XKR9: variants seen among roughly 807,000 people sequenced by gnomAD.
The protein encoded by XKR9 is XK-related protein 9.
In XKR9, 32 loss-of-function variants were observed where a neutral mutation model predicts 32.0. That is an observed-to-expected ratio of 1.00 (90% CI 0.76 to 1.34). The LOEUF is 1.34. Among genes scored for constraint, XKR9 ranks in the 40% most tolerant of loss-of-function variants. The pLI is 0.00. For synonymous variants in XKR9, 168 were observed against 143.4 expected (o/e 1.17, Z -1.22); for missense variants, 546 against 429.7 (o/e 1.27, Z -2.39).
At chr8:70,984,205 A>T in the XKR9 span, among the ~76,000 whole-genome samples, 1 of 152,170 alleles carries the variant, frequency 6.6e-6, no homozygotes, top group Non-Finnish European at 1.5e-5. Context: ...TCAGTCCATC[A>T]TTGTTGCCAC....
chr8:70,997,848 C>G, the XKR9 span, among the ~76,000 whole-genome samples: 1 of 152,280 alleles, frequency 6.6e-6, no homozygotes, highest in East Asian at 1.9e-4. Flanking sequence ...AAAATATTAA[C>G]TTTTCTTCCC....
At chr8:70,670,941 C>T (rs886846887) in intron 1 of XKR9, among the ~76,000 whole-genome samples, 2 of 152,166 alleles carry the variant, frequency 1.3e-5, no homozygotes, top group Non-Finnish European at 2.9e-5. Context: ...TCAGTGAACC[C>T]TGGAGAAGAG....
At chr8:70,720,395 T>A (rs1806237442) in intron 4 of XKR9, among the ~76,000 whole-genome samples, 1 of 152,210 alleles carries the variant, frequency 6.6e-6, no homozygotes, top group South Asian at 2.1e-4. Flanking sequence ...AAGGGAATGC[T>A]TCCAGCTTTT....
chr8:70,708,752 A>T (rs1033491954), intron 4 of XKR9, among the ~76,000 whole-genome samples: 1 of 152,120 alleles, frequency 6.6e-6, no homozygotes, highest in African/African-American at 2.4e-5. Flanking sequence ...CAAATTTTCT[A>T]TAGTAACTAT....
chr8:71,039,693 G>A, the XKR9 span, among the ~76,000 whole-genome samples: 4 of 152,134 alleles, frequency 2.6e-5, no homozygotes, highest in African/African-American at 4.8e-5. Flanking sequence ...TGCAATACTG[G>A]AAATGTTGTT....
At chr8:70,745,483 T>C (rs530197488) in intron 2 of XKR9, among the ~76,000 whole-genome samples, 1 of 152,240 alleles carries the variant, frequency 6.6e-6, no homozygotes, top group Non-Finnish European at 1.5e-5. Context: ...TCTCAACCTT[T>C]AGTGTGCATC....
intron 3 of XKR9, among the ~76,000 whole-genome samples, chr8:70,691,808 C>G (rs1805080301): frequency 6.6e-6 from 1 of 152,008 alleles, no homozygotes; most frequent in African/African-American, 2.4e-5. Context: ...TTGTTTTGGT[C>G]ATTATAGCCC....
At chr8:70,832,388 A>G in the XKR9 span, among the ~76,000 whole-genome samples, 5 of 152,220 alleles carry the variant, frequency 3.3e-5, no homozygotes, top group African/African-American at 1.2e-4. Context: ...ATAGACACAA[A>G]TAACGTTTTG....
rs1586871365 is a variant in XKR9 at position 70,733,843 on chromosome 8, G to A, written c.541G>A (p.Asp181Asn). The change falls in exon 5 of 5, where the codon GAT becomes AAT. Residue 181 changes from aspartate to asparagine, a missense_variant. Coordinates refer to ENST00000408926, the MANE Select transcript of XKR9 (RefSeq NM_001011720.2). Reference protein sequence around the residue: ...SCCAISWSTVDYQVALRKSLP... With the variant: ...SCCAISWSTVNYQVALRKSLP... Reference sequence around the variant, plus strand: ...CTGTGCTATTTCTTGGTCAACTGTTGATTATCAAGTAGCTTTAAGAAAATC... The same window carrying A: ...CTGTGCTATTTCTTGGTCAACTGTTAATTATCAAGTAGCTTTAAGAAAATC... 26 of 1,601,188 alleles carry A rather than the reference G, an allele frequency of 1.6e-5. No homozygotes were observed. Among genetic ancestry groups the A allele is most frequent in the Non-Finnish European group, 2.2e-5 (26 of 1,176,502 alleles).
the XKR9 span, among the ~76,000 whole-genome samples, chr8:70,877,543 G>C: frequency 4.0e-5 from 6 of 151,874 alleles, no homozygotes; most frequent in African/African-American, 1.4e-4. Flanking sequence ...GTCTTAAAAA[G>C]TTTGTATTAT....
intron 3 of XKR9, among the ~76,000 whole-genome samples, chr8:70,702,611 G>T (rs1805577870): frequency 6.6e-6 from 1 of 152,082 alleles, no homozygotes; most frequent in South Asian, 2.1e-4. Flanking sequence ...TCCATTAGGT[G>T]CATACAGATT....
chr8:71,057,941 T>C, the XKR9 span, among the ~76,000 whole-genome samples: 1 of 152,066 alleles, frequency 6.6e-6, no homozygotes, highest in African/African-American at 2.4e-5. Flanking sequence ...TCCCAATACT[T>C]TGGGAGGCCG....
the XKR9 span, among the ~76,000 whole-genome samples, chr8:70,892,003 A>C: frequency 2.4e-4 from 37 of 152,154 alleles, 1 homozygote; most frequent in African/African-American, 8.7e-4. Context: ...CTTCATTATT[A>C]TACAATGACC....
the XKR9 span, among the ~76,000 whole-genome samples, chr8:70,888,491 G>A: frequency 1.4e-4 from 21 of 151,624 alleles, no homozygotes; most frequent in African/African-American, 5.1e-4. Flanking sequence ...TGCTTTTGTT[G>A]CCTGTGCTTT....
chr8:71,065,320 A>C, the XKR9 span, among the ~76,000 whole-genome samples: 5 of 152,166 alleles, frequency 3.3e-5, 1 homozygote, highest in East Asian at 7.7e-4. Context: ...TAAGAAGAAG[A>C]GGAAATTATT....
At chr8:70,795,248 G>T (rs1239638188), downstream of XKR9, among the ~76,000 whole-genome samples, 3 of 152,036 alleles carry the variant, frequency 2.0e-5, no homozygotes, top group African/African-American at 7.2e-5. Flanking sequence ...TTCTGTTCCT[G>T]TGTTAGTTTG....
the XKR9 span, among the ~76,000 whole-genome samples, chr8:70,987,311 C>T: frequency 6.6e-6 from 1 of 152,320 alleles, no homozygotes; most frequent in African/African-American, 2.4e-5. Flanking sequence ...TGAGGCAAAT[C>T]CCTTCTGCCT....
At chr8:70,675,132 T>G (rs1680893977) in intron 2 of XKR9, among the ~76,000 whole-genome samples, 3 of 152,140 alleles carry the variant, frequency 2.0e-5, no homozygotes, top group Admixed American at 2.0e-4. Context: ...CTAGGTAATT[T>G]ATAAGAAACG....
chr8:70,967,625 G>A, the XKR9 span, among the ~76,000 whole-genome samples: 1 of 152,104 alleles, frequency 6.6e-6, no homozygotes. Context: ...TACAAGGCAG[G>A]CCTGGTGGTG....
Sources: gnomAD v4.1 joint callset for allele counts (sites outside exome capture counted in the v4.1 genomes callset) on GRCh38, gnomAD v4.1.1 for gene constraint, MANE v1.5 for transcripts, NCBI Gene and HGNC (gene_info 2026-07-23, HGNC 2026-07-21) for gene names.